SMG7: variants seen among roughly 807,000 people sequenced by gnomAD.
The protein encoded by SMG7 is nonsense-mediated mRNA decay factor SMG7.
Under a neutral mutation model 148.2 loss-of-function variants are expected in SMG7, and 34 were observed. The observed-to-expected ratio is 0.23, with a 90% CI of 0.17 to 0.31. SMG7 has a LOEUF of 0.31. Among genes scored for constraint, SMG7 ranks in the 10% least tolerant of loss-of-function variants. SMG7 has a pLI of 1.00. For synonymous variants in SMG7, 492 were observed against 515.1 expected (o/e 0.96, Z 0.61); for missense variants, 1,114 against 1,408.4 (o/e 0.79, Z 3.35).
At chr1:183,500,973 A>C (rs751216918) in intron 1 of SMG7, among the ~76,000 whole-genome samples, 36 of 152,316 alleles carry the variant, frequency 2.4e-4, no homozygotes, top group South Asian at 8.3e-4. Flanking sequence ...GAAGTATGGC[A>C]GCAAAGTGCG....
At chr1:183,499,467 G>C (rs1202519921) in intron 1 of SMG7, among the ~76,000 whole-genome samples, 1 of 152,106 alleles carries the variant, frequency 6.6e-6, no homozygotes, top group South Asian at 2.1e-4. Flanking sequence ...GATCATTATT[G>C]TTTTAACTTG....
chr1:183,543,733 C>G (rs1669382724), intron 14 of SMG7, among the ~76,000 whole-genome samples: 1 of 152,172 alleles, frequency 6.6e-6, no homozygotes, highest in Non-Finnish European at 1.5e-5. Flanking sequence ...TACTCATGTT[C>G]CCTCATTTTG....
intron 1 of SMG7, among the ~76,000 whole-genome samples, chr1:183,490,399 A>G (rs1656650851): frequency 6.6e-6 from 1 of 152,176 alleles, no homozygotes; most frequent in African/African-American, 2.4e-5. Flanking sequence ...TTTTGTAGAA[A>G]TTGTTTTATT....
Position 183,540,422 on chromosome 1 carries a change from A to G in SMG7, c.1296-562A>G, listed in dbSNP as rs534153751. 1.5e-3 allele frequency among the ~76,000 whole-genome samples: 223 copies of G among 152,094 alleles called. 1 individual carries two copies. Among genetic ancestry groups the G allele is most frequent in the Non-Finnish European group, 2.3e-3 (153 of 67,960 alleles). On this transcript the variant is annotated intron_variant, in intron 12 of 22. Coordinates refer to ENST00000688051, the MANE Select transcript of SMG7 (RefSeq NM_001375584.1). ...CCTGGCAATTCTTAAATCTTCTTAA[A>G]AAAAAAAAAAGTTTAATAAGGAGAA... is the stretch of plus-strand genomic sequence containing the variant.
intron 19 of SMG7, 152 bp from the exon 20 acceptor site, chr1:183,549,612 T>C (rs2102815548): frequency 1.0e-5 from 7 of 678,086 alleles, no homozygotes; most frequent in Non-Finnish European, 1.5e-5. Flanking sequence ...TTAATTTGAC[T>C]GGAAAATTGA....
chr1:183,489,839 G>A (rs1265465638), intron 1 of SMG7, among the ~76,000 whole-genome samples: 1 of 152,182 alleles, frequency 6.6e-6, no homozygotes, highest in Admixed American at 6.5e-5. Flanking sequence ...GTGACCTATC[G>A]AAAACGTGAG....
chr1:183,547,522 A>T (rs1670134243), intron 18 of SMG7, among the ~76,000 whole-genome samples: 1 of 152,186 alleles, frequency 6.6e-6, no homozygotes, highest in South Asian at 2.1e-4. Context: ...CACACACACG[A>T]TGTGATGGTG....
At chr1:183,528,192 A>AT (rs898649370) in intron 6 of SMG7, among the ~76,000 whole-genome samples, 165 bp downstream of exon 6, 2 of 152,054 alleles carry the variant, frequency 1.3e-5, no homozygotes, top group Middle Eastern at 3.4e-3. Context: ...ACTAAAATGA[A>AT]TTTTTTTTAC....
At chr1:183,535,871 G>C (rs2102667887) in intron 10 of SMG7, among the ~76,000 whole-genome samples, 1 of 152,124 alleles carries the variant, frequency 6.6e-6, no homozygotes, top group African/African-American at 2.4e-5. Context: ...TTAGTTTACT[G>C]ACCTTTTTTT....
chr1:183,499,497 A>G (rs1201311861), intron 1 of SMG7, among the ~76,000 whole-genome samples: 1 of 152,186 alleles, frequency 6.6e-6, no homozygotes, highest in Non-Finnish European at 1.5e-5. Flanking sequence ...GAGACGTTTT[A>G]TGTGGAGCAT....
chr1:183,497,397 C>A (rs1470311051), intron 1 of SMG7, among the ~76,000 whole-genome samples: 1 of 152,122 alleles, frequency 6.6e-6, no homozygotes, highest in Non-Finnish European at 1.5e-5. Flanking sequence ...CTCAGTGTCA[C>A]ATTTACTGAA....
chr1:183,535,947 T>A (rs1667692816), intron 10 of SMG7, among the ~76,000 whole-genome samples: 1 of 152,100 alleles, frequency 6.6e-6, no homozygotes, highest in African/African-American at 2.4e-5. Context: ...CTTCAATATT[T>A]GTTTATATAT....
chr1:183,472,720 G>A, intron 1 of SMG7, 71 bp downstream of exon 1: 2 of 1,329,022 alleles, frequency 1.5e-6, no homozygotes, highest in Non-Finnish European at 9.9e-7. Flanking sequence ...AACAGACACC[G>A]AGGTAAGTCC....
At position 183,537,122 on chromosome 1, in the gene SMG7, T is replaced by G. The variant is rs766449238; in HGVS notation, c.1164-23T>G. 3 of 1,576,918 alleles carry G rather than the reference T, an allele frequency of 1.9e-6. No homozygotes were observed. In the South Asian group the frequency reaches 3.3e-5, roughly 17 times the overall value. On this transcript the variant is annotated intron_variant, in intron 10 of 22. Coordinates refer to ENST00000688051, the MANE Select transcript of SMG7 (RefSeq NM_001375584.1). ...GTTTCTCTTACATAAAAATAAAGTC[T>G]GAACTCTTTCTTTAATTTACAGCAT... is the stretch of plus-strand genomic sequence containing the variant.
intron 18 of SMG7, chr1:183,548,946 T>C (rs1293908748): frequency 4.1e-6 from 2 of 483,108 alleles, no homozygotes; most frequent in East Asian, 3.6e-5. Flanking sequence ...CTCAGAGTGC[T>C]GTTTACCAGG....
At chr1:183,503,599 C>G (rs1660234963) in intron 1 of SMG7, among the ~76,000 whole-genome samples, 1 of 152,018 alleles carries the variant, frequency 6.6e-6, no homozygotes, top group Non-Finnish European at 1.5e-5. Context: ...CTTTTTCAAC[C>G]CAATGTGCCC....
intron 17 of SMG7, 26 bp downstream of exon 17, chr1:183,546,363 C>T: frequency 1.3e-6 from 2 of 1,583,944 alleles, no homozygotes; most frequent in Non-Finnish European, 1.7e-6. Flanking sequence ...TATCACCAGG[C>T]AATTTGGAGA....
At chr1:183,534,875 CT>C (rs768690267) in intron 10 of SMG7, among the ~76,000 whole-genome samples, 26 of 151,878 alleles carry the variant, frequency 1.7e-4, no homozygotes, top group Non-Finnish European at 3.5e-4. Context: ...ACCTTATGGT[CT>C]GTCTGCTTCA....
chr1:183,544,870 CT>C, intron 15 of SMG7, 59 bp from the exon 16 acceptor site: 1 of 1,548,120 alleles, frequency 6.5e-7, no homozygotes, highest in Non-Finnish European at 8.7e-7. Context: ...AAAAAAATGA[CT>C]TTTTTTGCAA....
Sources: gnomAD v4.1 joint callset for allele counts (sites outside exome capture counted in the v4.1 genomes callset) on GRCh38, gnomAD v4.1.1 for gene constraint, MANE v1.5 for transcripts, NCBI Gene and HGNC (gene_info 2026-07-23, HGNC 2026-07-21) for gene names.